EPS8L1: variants seen among roughly 807,000 people sequenced by gnomAD.
The protein encoded by EPS8L1 is EPS8 signaling adaptor L1, also known as epidermal growth factor receptor kinase substrate 8-like protein 1.
EPS8L1 carries 101 observed loss-of-function variants against 91.7 expected under a neutral mutation model. That is an observed-to-expected ratio of 1.10 (90% confidence interval 0.94 to 1.30). The LOEUF (loss-of-function observed/expected upper bound fraction) is 1.30. EPS8L1 is among the 50% of genes most tolerant of loss of function. The probability of loss-of-function intolerance (pLI) is 0.00; values close to 1 mark genes in which losing one functional copy is unlikely to be tolerated. For synonymous variants in EPS8L1, 506 were observed against 445.3 expected (o/e 1.14, Z -1.72); for missense variants, 1,114 against 1,017.0 (o/e 1.10, Z -1.30).
chr19:55,076,350 T>G, intron 1 of EPS8L1, 58 bp from the exon 2 acceptor site: 1 of 1,495,060 alleles, frequency 6.7e-7, no homozygotes, highest in African/African-American at 1.4e-5. Flanking sequence ...GGGAGGAGGC[T>G]GGGGTAGGAA....
At chr19:55,076,177 T>C (rs57362846) in intron 1 of EPS8L1, among the ~76,000 whole-genome samples, 10,314 of 69,400 alleles carry the variant, frequency 0.15, 861 homozygotes, top group Non-Finnish European at 0.18. Flanking sequence ...TGGACTGGGG[T>C]CTGGACTCCT....
chr19:55,079,660 C>T (rs2076210541), intron 4 of EPS8L1, 30 bp from the exon 5 acceptor site: 2 of 1,603,128 alleles, frequency 1.2e-6, no homozygotes, highest in Admixed American at 1.7e-5. Context: ...TCATCTTGGG[C>T]CTCACTGCTT....
At position 55,087,754 on chromosome 19, in the gene EPS8L1, G is replaced by A; in HGVS notation, c.*140G>A. The stretch of plus-strand genomic sequence containing the variant: ...TGGTCTTCCCCCATCCCGGTGGACA[G>A]ACTTAACGATCCTTGCTGCAGTCCC... On this transcript the variant is annotated 3_prime_UTR_variant, in exon 20 of 20. Transcript: ENST00000201647. The A allele has an allele frequency of 1.2e-6, 1 of 863,526 alleles. No homozygotes were observed. Among genetic ancestry groups the A allele is most frequent in the Non-Finnish European group, 1.9e-6 (1 of 537,390 alleles). The allele number at this position is 863,526 out of a possible 1,614,324, so 53.5% of individuals were successfully genotyped here.
intron 11 of EPS8L1, 32 bp downstream of exon 11, chr19:55,082,381 T>A (rs952083715): frequency 1.2e-6 from 2 of 1,612,532 alleles, no homozygotes; most frequent in South Asian, 1.1e-5. Context: ...CGGGCCCCCC[T>A]GCAGCGGGAG....
At position 55,083,782 on chromosome 19, in the gene EPS8L1, A is replaced by T; in HGVS notation, c.1385+138A>T. The T allele has an allele frequency of 2.6e-4, 94 of 367,820 alleles. No individual in the cohort carries two copies. The highest frequency in any genetic ancestry group is 6.2e-4 in the East Asian group (6 of 9,640). The allele number at this position is 367,820 out of a possible 1,614,324, so 22.8% of individuals were successfully genotyped here. A position where few individuals can be genotyped will look rare whatever the true frequency, so the allele number is the denominator to read the frequency against. On this transcript the variant is annotated intron_variant, in intron 14 of 19. Transcript: ENST00000201647. The surrounding 1 kb of genome is among the most constrained non-coding windows in gnomAD (Gnocchi z 4.7). Reference sequence around the variant, plus strand: ...CTCTTCTCAGGTGGGTGAGATGGTGATGGGGCGGGCCGGGGCTGGGAGAGA... The same window carrying T: ...CTCTTCTCAGGTGGGTGAGATGGTGTTGGGGCGGGCCGGGGCTGGGAGAGA...
In EPS8L1 at chr19:55,076,473, C is replaced by T. The variant is rs201907908; in HGVS notation, c.17+12C>T. ...AGCACCGCCACAGGGTAAGCGCCCC[C>T]GGACCCCAGGTCCCAGCCCCAGCAC... On this transcript the variant is annotated intron_variant, in intron 2 of 19. Coordinates refer to ENST00000201647, the MANE Select transcript of EPS8L1 (RefSeq NM_133180.3). 3.8e-3 allele frequency: 6,046 copies of T among 1,611,130 alleles called. 20 individuals carry two copies. The highest frequency in any genetic ancestry group is 4.6e-3 in the Non-Finnish European group (5,437 of 1,178,598).
At position 55,080,386 on chromosome 19, in the gene EPS8L1, G is replaced by A. The variant is rs1314031000; in HGVS notation, c.429+108G>A. 20 of 1,559,036 alleles carry A rather than the reference G, an allele frequency of 1.3e-5. No individual in the cohort carries two copies. In the South Asian group the frequency reaches 2.4e-4, roughly 18 times the overall value. On this transcript the variant is annotated intron_variant, in intron 6 of 19. Coordinates refer to ENST00000201647, the MANE Select transcript of EPS8L1 (RefSeq NM_133180.3). The stretch of plus-strand genomic sequence containing the variant: ...GTGGGGCGGGGCCTGGGGCTAAGGC[G>A]GGATCAGAGCAAGGAAGGGCAGGGG...
chr19:55,086,964 CGGG>C, intron 18 of EPS8L1, 76 bp downstream of exon 18: 21 of 1,394,006 alleles, frequency 1.5e-5, no homozygotes, highest in Admixed American at 3.5e-5. Flanking sequence ...GGCCGGGAGT[CGGG>C]GGGCGGCAGT....
chr19:55,078,907 A>C lies in EPS8L1; in HGVS notation c.59-92A>C. The C allele has an allele frequency of 2.5e-6, 3 of 1,208,620 alleles. No individual in the cohort carries two copies. In the Admixed American group the frequency reaches 6.1e-5, roughly 25 times the overall value. The allele number at this position is 1,208,620 out of a possible 1,614,324, so 74.9% of individuals were successfully genotyped here. ...CTGGGGGGCTGGACTCCTAGGTTTG[A>C]GGGAGGAGGGGCTGGGGGCCTGGAC... On this transcript the variant is annotated intron_variant, in intron 3 of 19. Transcript: ENST00000201647.
chr19:55,080,706 G>C, intron 6 of EPS8L1, 66 bp from the exon 7 acceptor site: 1 of 1,584,510 alleles, frequency 6.3e-7, no homozygotes, highest in Non-Finnish European at 8.6e-7. Context: ...AAATCGGCCA[G>C]GGGCGAGGCC....
At chr19:55,077,737 C>A (rs1392394737) in intron 2 of EPS8L1, among the ~76,000 whole-genome samples, 1 of 150,884 alleles carries the variant, frequency 6.6e-6, no homozygotes, top group Admixed American at 6.6e-5. Context: ...TACAGGCGCC[C>A]ACCACCACAC....
chr19:55,077,485 T>C (rs910854154), intron 2 of EPS8L1, among the ~76,000 whole-genome samples: 1 of 151,658 alleles, frequency 6.6e-6, no homozygotes, highest in Non-Finnish European at 1.5e-5. Context: ...GAAGGTCTTA[T>C]GGCAAGGAGG....
chr19:55,077,965 T>C (rs890029793), intron 2 of EPS8L1, 123 bp from the exon 3 acceptor site: 1 of 402,618 alleles, frequency 2.5e-6, no homozygotes, highest in Admixed American at 4.5e-5. Flanking sequence ...ATAATAATAA[T>C]AATAATAACC....
chr19:55,087,467 TAGGGTTGGGATGACG>T, intron 19 of EPS8L1, 32 bp downstream of exon 19: 3 of 1,613,758 alleles, frequency 1.9e-6, no homozygotes, highest in Non-Finnish European at 2.5e-6. Context: ...TGGGTCTGGG[TAGGGTTGGGATGACG>T]AGGGCTCGGA....
rs1204267237 is a variant in EPS8L1 at position 55,081,192 on chromosome 19, C to A, written c.513-39C>A. The A allele has an allele frequency of 1.3e-6, 2 of 1,483,530 alleles. No individual in the cohort carries two copies. Among genetic ancestry groups the A allele is most frequent in the East Asian group, 2.4e-5 (1 of 42,074 alleles). The allele number at this position is 1,483,530 out of a possible 1,614,324, so 91.9% of individuals were successfully genotyped here. On this transcript the variant is annotated intron_variant, in intron 7 of 19. Transcript: ENST00000201647. This position sits in a 1 kb window ranked among gnomAD's most constrained non-coding sequence, Gnocchi z 4.9. ...TGGATTTCCCCCTCCCTGGACCCCT[C>A]AGTGGACCCAGTCTTGGTGTCCCCG...
At chr19:55,079,122 GC>G in intron 4 of EPS8L1, 65 bp downstream of exon 4, 1 of 1,539,934 alleles carries the variant, frequency 6.5e-7, no homozygotes, top group Non-Finnish European at 9.0e-7. Flanking sequence ...AGGAGATAGG[GC>G]TTTTGAAAGC....
Position 55,080,144 on chromosome 19 carries a change from T to A in EPS8L1, c.295T>A (p.Tyr99Asn). ...DPASKEELESYPLGAIVRCDA... is the reference protein window; with the variant it reads ...DPASKEELESNPLGAIVRCDA... ...CACCCGGCAGGAGGAGCTGGAGTCG[T>A]ACCCACTGGGCGCCATCGTGCGCTG... Residue 99 changes from tyrosine (Y) to asparagine (N), a missense_variant, in exon 6 of 20, where the codon TAC becomes AAC. Physicochemically the swap from Tyr to Asn is moderately radical, Grantham distance 143 (BLOSUM62 -2). Coordinates refer to ENST00000201647, the MANE Select transcript of EPS8L1 (RefSeq NM_133180.3). The A allele has an allele frequency of 1.3e-6, 2 of 1,508,060 alleles. No individual in the cohort carries two copies. Among genetic ancestry groups the A allele is most frequent in the Non-Finnish European group, 1.8e-6 (2 of 1,121,918 alleles). The allele number at this position is 1,508,060 out of a possible 1,614,324, so 93.4% of individuals were successfully genotyped here.
intron 16 of EPS8L1, 45 bp downstream of exon 16, chr19:55,086,237 G>C: frequency 6.3e-7 from 1 of 1,599,166 alleles, no homozygotes; most frequent in Non-Finnish European, 8.5e-7. Context: ...GAGAGGCTGG[G>C]ACCAGATCCT....
Position 55,083,166 on chromosome 19 carries a change from G to A in EPS8L1, c.1215-212G>A, listed in dbSNP as rs1325984307. Among the ~76,000 whole-genome samples the A allele has an allele frequency of 6.6e-6, 1 of 152,226 alleles. No homozygotes were observed. Among genetic ancestry groups the A allele is most frequent in the Non-Finnish European group, 1.5e-5 (1 of 68,040 alleles). On this transcript the variant is annotated intron_variant, in intron 12 of 19. Transcript: ENST00000201647. The surrounding 1 kb of genome is among the most constrained non-coding windows in gnomAD (Gnocchi z 4.7). ...CCATCTTGGCCTCCCAAAATGCTGG[G>A]ATTACAGGCGTGAGCCACCGTGCCC...
Sources: allele counts gnomAD v4.1 joint callset (sites outside exome capture counted in the v4.1 genomes callset), GRCh38; gene constraint gnomAD v4.1.1; non-coding constraint Gnocchi (gnomAD v3.1); transcripts MANE v1.5; gene names NCBI Gene and HGNC (gene_info 2026-07-23, HGNC 2026-07-21).